The following THRB variants were observed in gnomAD, a reference collection of about 807,000 sequenced individuals.
The protein encoded by THRB is nuclear receptor subfamily 1 group A member 2.
A neutral mutation model predicts 47.8 loss-of-function variants in THRB; 12 were observed. The observed-to-expected ratio is 0.25, with a 90% CI of 0.16 to 0.41. The LOEUF (loss-of-function observed/expected upper bound fraction) is 0.41, where lower values mean the gene tolerates loss of function less well. THRB is among the 10% of genes least tolerant of loss of function. THRB has a pLI of 1.00. For synonymous variants in THRB, 218 were observed against 212.2 expected, an observed-to-expected ratio of 1.03 and a Z score of -0.24; for missense variants, 348 against 589.2, an observed-to-expected ratio of 0.59 and a Z score of 4.24.
intron 2 of THRB, among the ~76,000 whole-genome samples, chr3:24,335,810 GT>G (rs1249098602): frequency 6.6e-6 from 1 of 152,166 alleles, no homozygotes; most frequent in Non-Finnish European, 1.5e-5. Context: ...TCTCTTCTTA[GT>G]TTCCTTATCT....
chr3:24,225,093 T>C (rs1033330709), intron 4 of THRB, among the ~76,000 whole-genome samples: 1 of 152,180 alleles, frequency 6.6e-6, no homozygotes, highest in Non-Finnish European at 1.5e-5. Flanking sequence ...AAGTTACAGA[T>C]GCAGAAATGC....
intron 1 of THRB, among the ~76,000 whole-genome samples, chr3:24,341,256 G>C (rs2062632554): frequency 1.0e-5 from 1 of 95,842 alleles, no homozygotes; most frequent in Non-Finnish European, 2.0e-5. Flanking sequence ...TTTTGAGACA[G>C]GGTCTCACTT....
intron 5 of THRB, chr3:24,164,979 A>C (rs763933197): frequency 2.9e-6 from 2 of 685,790 alleles, no homozygotes; most frequent in African/African-American, 3.5e-5. Flanking sequence ...AAATGAAACG[A>C]AAACAAACAG....
chr3:24,302,003 T>A (rs746351830), intron 2 of THRB, among the ~76,000 whole-genome samples: 5 of 152,220 alleles, frequency 3.3e-5, no homozygotes, highest in Admixed American at 6.5e-5. Flanking sequence ...TAAGCCCTTG[T>A]GAAGCCTGTA....
intron 3 of THRB, among the ~76,000 whole-genome samples, chr3:24,269,390 C>CGTGTGT (rs1324260759): frequency 5.5e-5 from 2 of 36,114 alleles, no homozygotes; most frequent in African/African-American, 2.0e-4. Flanking sequence ...AGCTCACACG[C>CGTGTGT]GCGCGCGCGC....
intron 1 of THRB, among the ~76,000 whole-genome samples, chr3:24,390,575 C>T (rs1251474193): frequency 6.6e-6 from 1 of 151,878 alleles, no homozygotes; most frequent in African/African-American, 2.4e-5. Context: ...TTAAAGATGG[C>T]TTAACAACCA....
At position 24,407,295 on chromosome 3, in the gene THRB, G is replaced by A. The variant is rs76471788; in HGVS notation, c.-260-69924C>T. On this transcript the variant is annotated intron_variant, in intron 1 of 10. Coordinates refer to ENST00000646209, the MANE Select transcript of THRB (RefSeq NM_001354712.2). ...TCTGTTTATGAATTCCGCAATTGCT[G>A]CTGATCCTGGGAAAGGTTGTGGGAG... Among the ~76,000 whole-genome samples, 383 of 151,836 alleles carry A rather than the reference G, an allele frequency of 2.5e-3. 1 individual carries two copies. The highest frequency in any genetic ancestry group is 8.9e-3 in the African/African-American group (369 of 41,462).
intron 1 of THRB, among the ~76,000 whole-genome samples, chr3:24,449,309 G>T (rs1036408454): frequency 6.6e-6 from 1 of 152,036 alleles, no homozygotes; most frequent in Non-Finnish European, 1.5e-5. Flanking sequence ...TCTGACAGCA[G>T]GGAAGGTCAC....
intron 1 of THRB, among the ~76,000 whole-genome samples, chr3:24,384,110 T>C (rs573677335): frequency 6.6e-6 from 1 of 152,274 alleles, no homozygotes; most frequent in Non-Finnish European, 1.5e-5. Context: ...TCTTTCCACC[T>C]TTATACATGG....
At chr3:24,482,032 A>G (rs1401174441) in intron 1 of THRB, among the ~76,000 whole-genome samples, 3 of 145,592 alleles carry the variant, frequency 2.1e-5, no homozygotes, top group African/African-American at 8.5e-5. Flanking sequence ...TTATCAATAA[A>G]CAGACAGTAA....
intron 1 of THRB, among the ~76,000 whole-genome samples, chr3:24,400,410 C>T (rs1167291329): frequency 6.6e-6 from 1 of 152,020 alleles, no homozygotes; most frequent in African/African-American, 2.4e-5. Flanking sequence ...CCTTTCCCAA[C>T]TCAGGTATGT....
At chr3:24,466,805 T>A (rs987105984) in intron 1 of THRB, among the ~76,000 whole-genome samples, 2 of 152,234 alleles carry the variant, frequency 1.3e-5, no homozygotes, top group African/African-American at 4.8e-5. Context: ...TGAGTCATAA[T>A]CTTTTTGCAG....
chr3:24,490,908 T>C (rs1698049894), intron 1 of THRB, among the ~76,000 whole-genome samples: 1 of 152,206 alleles, frequency 6.6e-6, no homozygotes, highest in Non-Finnish European at 1.5e-5. Context: ...TTATGTCTTC[T>C]GCAATTTTTT....
chr3:24,310,187 C>G (rs1199295172), intron 2 of THRB, among the ~76,000 whole-genome samples: 2 of 152,152 alleles, frequency 1.3e-5, no homozygotes, highest in Non-Finnish European at 2.9e-5. Flanking sequence ...ACTGTTTAAT[C>G]TTTGTGAACT....
intron 1 of THRB, among the ~76,000 whole-genome samples, chr3:24,477,577 G>A (rs1413426639): frequency 6.6e-6 from 1 of 152,096 alleles, no homozygotes; most frequent in Non-Finnish European, 1.5e-5. Flanking sequence ...GAGAAACGAG[G>A]ATATGGAAGT....
At chr3:24,433,727 T>C (rs1298036502) in intron 1 of THRB, among the ~76,000 whole-genome samples, 1 of 152,176 alleles carries the variant, frequency 6.6e-6, no homozygotes, top group Non-Finnish European at 1.5e-5. Flanking sequence ...TGGCTTCTAT[T>C]ACTATTATCA....
intron 5 of THRB, among the ~76,000 whole-genome samples, chr3:24,186,998 C>T (rs192935416): frequency 8.0e-5 from 11 of 137,398 alleles, no homozygotes; most frequent in Admixed American, 1.4e-4. Context: ...AAAAACAAAA[C>T]CTTAGATAGC....
chr3:24,359,152 C>T (rs887107797), intron 1 of THRB, among the ~76,000 whole-genome samples: 2 of 152,104 alleles, frequency 1.3e-5, no homozygotes, highest in Non-Finnish European at 2.9e-5. Context: ...TTGGATGGTT[C>T]TTCTGCCTTC....
chr3:24,243,617 C>T lies in THRB; in HGVS notation c.-42-14616G>A, dbSNP rs77648506. On this transcript the variant is annotated intron_variant, in intron 3 of 10. Transcript: ENST00000646209. ...CTGTCACCTGCCCCTTCCCTGGGCA[C>T]GGCGCTTCCCAATACCCCTTATCTT... is the stretch of plus-strand genomic sequence containing the variant. Among the ~76,000 whole-genome samples the T allele has an allele frequency of 7.5e-3, 1,138 of 152,170 alleles. 20 individuals carry two copies. The highest frequency in any genetic ancestry group is 0.026 in the African/African-American group (1,065 of 41,504).
Sources: allele counts gnomAD v4.1 joint callset (sites outside exome capture counted in the v4.1 genomes callset), GRCh38; gene constraint gnomAD v4.1.1; transcripts MANE v1.5; gene names NCBI Gene and HGNC (gene_info 2026-07-23, HGNC 2026-07-21).